SQOR: variants seen among roughly 807,000 people sequenced by gnomAD.
SQOR encodes the protein sulfide:quinone oxidoreductase, mitochondrial.
SQOR carries 39 observed loss-of-function variants against 48.6 expected under a neutral mutation model. The observed-to-expected ratio is 0.80, with a 90% CI of 0.62 to 1.05. The LOEUF is 1.05. SQOR is among the 50% of genes least tolerant of loss of function. SQOR has a pLI of 0.00. For synonymous variants in SQOR, 220 were observed against 206.2 expected, an observed-to-expected ratio of 1.07 and a Z score of -0.57; for missense variants, 561 against 559.9, an observed-to-expected ratio of 1.00 and a Z score of -0.02.
upstream of SQOR, among the ~76,000 whole-genome samples, chr15:45,633,587 G>A (rs990536547): frequency 2.0e-5 from 3 of 151,422 alleles, no homozygotes; most frequent in Admixed American, 6.6e-5. Context: ...CCAGCTACTC[G>A]GGAGGCTGAG....
At chr15:45,686,165 A>G (rs914693684) in intron 7 of SQOR, among the ~76,000 whole-genome samples, 5 of 151,502 alleles carry the variant, frequency 3.3e-5, no homozygotes, top group African/African-American at 1.2e-4. Flanking sequence ...ATATATATAT[A>G]TATTTAGATG....
chr15:45,633,774 A>C (rs1253166204), upstream of SQOR, among the ~76,000 whole-genome samples: 2 of 152,040 alleles, frequency 1.3e-5, no homozygotes, highest in African/African-American at 4.8e-5. Context: ...TTACCAATAA[A>C]AGTCTACAGT....
Position 45,662,135 on chromosome 15 carries a change from G to A in SQOR, c.405+10G>A, listed in dbSNP as rs1566918932. On this transcript the variant is annotated intron_variant, in intron 3 of 9. Coordinates refer to ENST00000260324, the MANE Select transcript of SQOR (RefSeq NM_021199.4). ...AGATGACGACGAGAAGGTAACCACTGAGGCCTTTAGATTTTTTGTTAATCT... is the reference window on the plus strand; with the variant it reads ...AGATGACGACGAGAAGGTAACCACTAAGGCCTTTAGATTTTTTGTTAATCT... The A allele has an allele frequency of 3.1e-6, 5 of 1,611,152 alleles. No homozygotes were observed. The highest frequency in any genetic ancestry group is 2.5e-6 in the Non-Finnish European group (3 of 1,177,964).
At chr15:45,635,310 G>C (rs1182146472) in intron 1 of SQOR, among the ~76,000 whole-genome samples, 1 of 152,250 alleles carries the variant, frequency 6.6e-6, no homozygotes, top group African/African-American at 2.4e-5. Flanking sequence ...TGGAACCCGG[G>C]TCTTGGGACT....
At chr15:45,633,637 T>A (rs1894939460), upstream of SQOR, among the ~76,000 whole-genome samples, 1 of 144,158 alleles carries the variant, frequency 6.9e-6, no homozygotes, top group Non-Finnish European at 1.5e-5. Context: ...GACGTTGTAG[T>A]GAGCTGAGAT....
intron 4 of SQOR, among the ~76,000 whole-genome samples, chr15:45,673,201 C>T (rs1889973704): frequency 1.3e-5 from 2 of 152,186 alleles, no homozygotes; most frequent in South Asian, 4.1e-4. Context: ...TGGTCTGGTA[C>T]AACCTGATAA....
chr15:45,637,586 C>A (rs1895026522), intron 1 of SQOR, among the ~76,000 whole-genome samples: 1 of 152,060 alleles, frequency 6.6e-6, no homozygotes, highest in African/African-American at 2.4e-5. Flanking sequence ...GGCTTTTTTT[C>A]TGGCTGGAAA....
intron 1 of SQOR, among the ~76,000 whole-genome samples, chr15:45,647,832 G>A (rs1272181885): frequency 2.0e-5 from 3 of 152,040 alleles, no homozygotes; most frequent in Non-Finnish European, 2.9e-5. Flanking sequence ...CACAAGAATC[G>A]CTTAAGCCCA....
At chr15:45,688,999 A>G (rs1202607494) in intron 8 of SQOR, 40 bp from the exon 9 acceptor site, 6 of 1,584,808 alleles carry the variant, frequency 3.8e-6, no homozygotes, top group Non-Finnish European at 5.2e-6. Context: ...GTACCATGAA[A>G]AAAATCTACT....
At chr15:45,690,140 G>C (rs569523200) in intron 9 of SQOR, among the ~76,000 whole-genome samples, 2 of 141,844 alleles carry the variant, frequency 1.4e-5, no homozygotes, top group South Asian at 2.2e-4. Context: ...ATCTCAGCTC[G>C]CTGCAACCTC....
intron 3 of SQOR, among the ~76,000 whole-genome samples, chr15:45,664,078 G>C (rs1889769665): frequency 6.6e-6 from 1 of 152,186 alleles, no homozygotes; most frequent in Non-Finnish European, 1.5e-5. Context: ...GAGCTAATTG[G>C]TATTGGGGCA....
At chr15:45,631,245 ACTT>A (rs1266549944), upstream of SQOR, 2 of 155,802 alleles carry the variant, frequency 1.3e-5, no homozygotes, top group Non-Finnish European at 2.8e-5. Flanking sequence ...GTCCAATTAA[ACTT>A]CTTTTTCTTC....
chr15:45,640,688 C>T (rs939372407), intron 1 of SQOR, among the ~76,000 whole-genome samples: 1 of 152,158 alleles, frequency 6.6e-6, no homozygotes, highest in Non-Finnish European at 1.5e-5. Context: ...ACAGTGAACT[C>T]CTTGCATGTG....
chr15:45,671,931 C>T (rs1173520255), intron 4 of SQOR, among the ~76,000 whole-genome samples: 2 of 152,202 alleles, frequency 1.3e-5, no homozygotes, highest in African/African-American at 4.8e-5. Context: ...TTCCCTCTCT[C>T]CCCTCCTCTC....
chr15:45,680,591 G>A (rs979452302), intron 6 of SQOR, among the ~76,000 whole-genome samples: 1 of 148,448 alleles, frequency 6.7e-6, no homozygotes, highest in Non-Finnish European at 1.5e-5. Context: ...AATTTTTTGT[G>A]TTTTTGGTAG....
intron 1 of SQOR, among the ~76,000 whole-genome samples, chr15:45,653,831 A>G (rs1302176593): frequency 6.6e-6 from 1 of 152,164 alleles, no homozygotes; most frequent in African/African-American, 2.4e-5. Context: ...TTTATATTAC[A>G]CCATGGTTTA....
At chr15:45,674,039 C>T in intron 5 of SQOR, 1 of 523,036 alleles carries the variant, frequency 1.9e-6, no homozygotes, top group South Asian at 2.3e-5. Flanking sequence ...AGCTTTTTTT[C>T]TGTATACTTA....
Position 45,657,071 on chromosome 15 carries a change from G to A in SQOR, c.-17-1836G>A, listed in dbSNP as rs576077784. ...GATCCACCTGTCTTGGCCTCCCAAA[G>A]TGCTGGGATTACCGGTGTGAACCAC... On this transcript the variant is annotated intron_variant, in intron 1 of 9. Coordinates refer to ENST00000260324, the MANE Select transcript of SQOR (RefSeq NM_021199.4). 1.1e-3 allele frequency among the ~76,000 whole-genome samples: 161 copies of A among 151,596 alleles called. 2 individuals carry two copies. The highest frequency in any genetic ancestry group is 3.4e-3 in the Middle Eastern group (1 of 294).
intron 2 of SQOR, among the ~76,000 whole-genome samples, chr15:45,660,314 G>A (rs1889696572): frequency 6.6e-6 from 1 of 152,162 alleles, no homozygotes. Flanking sequence ...TGATTTGAGA[G>A]GAAACTAGGG....
Sources: allele counts gnomAD v4.1 joint callset (sites outside exome capture counted in the v4.1 genomes callset), GRCh38; gene constraint gnomAD v4.1.1; transcripts MANE v1.5; gene names NCBI Gene and HGNC (gene_info 2026-07-23, HGNC 2026-07-21).